LINGO2: variants seen among roughly 807,000 people sequenced by gnomAD.
LINGO2 encodes the protein leucine-rich repeat and immunoglobulin-like domain-containing nogo receptor-interacting protein 2.
Under a neutral mutation model 30.6 loss-of-function variants are expected in LINGO2, and 14 were observed. The observed-to-expected ratio is 0.46, with a 90% CI of 0.30 to 0.72. The LOEUF (loss-of-function observed/expected upper bound fraction) is 0.72. Ranked by LOEUF, LINGO2 falls within the 30% of genes least tolerant of loss-of-function variation. The probability of loss-of-function intolerance (pLI) is 0.07; values close to 1 mark genes in which losing one functional copy is unlikely to be tolerated. For missense variants in LINGO2, 729 were observed against 751.7 expected, an observed-to-expected ratio of 0.97 and a Z score of 0.35; for synonymous variants, 317 against 288.5, an observed-to-expected ratio of 1.10 and a Z score of -1.00.
chr9:28,401,514 A>T (rs879841126), intron 2 of LINGO2, among the ~76,000 whole-genome samples: 2 of 152,046 alleles, frequency 1.3e-5, no homozygotes, highest in Non-Finnish European at 2.9e-5. Context: ...TATGTACCAA[A>T]TTTTTTTATC....
chr9:28,891,819 T>C, the LINGO2 span, among the ~76,000 whole-genome samples: 83,340 of 148,680 alleles, frequency 0.56, 24,446 homozygotes, highest in Non-Finnish European at 0.67. Flanking sequence ...GTCACAGAAA[T>C]ACAAATATTT....
Position 27,986,161 on chromosome 9 carries a change from G to GA in LINGO2, c.-36+26193dup, listed in dbSNP as rs955945491. Among the ~76,000 whole-genome samples, 174 of 141,082 alleles carry GA rather than the reference G, an allele frequency of 1.2e-3. 1 individual carries two copies. Among genetic ancestry groups the GA allele is most frequent in the African/African-American group, 1.9e-3 (73 of 38,570 alleles). 92.6% of individuals were successfully genotyped at this position (141,082 alleles called of 152,430 possible). A position where few individuals can be genotyped will look rare whatever the true frequency, so the allele number is the denominator to read the frequency against. ...GCTGGCTTCTGGAGGGGGAACAGGA[G>GA]AAAAAAAAAACAGCCAGAGAAGACA... is the stretch of plus-strand genomic sequence containing the variant. On this transcript the variant is annotated intron_variant, in intron 5 of 5. Coordinates refer to ENST00000379992, the Ensembl canonical transcript of LINGO2.
chr9:28,613,382 A>ATG (rs771448247), intron 1 of LINGO2, among the ~76,000 whole-genome samples: 47 of 147,860 alleles, frequency 3.2e-4, no homozygotes, highest in East Asian at 2.1e-3. Flanking sequence ...GTATATACGT[A>ATG]TGTGTGTGTG....
chr9:28,433,943 CTCTCTCTA>C (rs1316311855), intron 2 of LINGO2, among the ~76,000 whole-genome samples: 1,547 of 50,832 alleles, frequency 0.03, 40 homozygotes, highest in African/African-American at 0.06. Context: ...CTCTCTCTCT[CTCTCTCTA>C]TATATATATA....
the LINGO2 span, among the ~76,000 whole-genome samples, chr9:28,844,116 C>A: frequency 6.6e-6 from 1 of 151,814 alleles, no homozygotes; most frequent in East Asian, 1.9e-4. Context: ...AATCTCAGCA[C>A]TTTGGGAGGC....
intron 4 of LINGO2, among the ~76,000 whole-genome samples, chr9:28,235,819 C>G (rs1821542358): frequency 6.6e-6 from 1 of 152,086 alleles, no homozygotes; most frequent in African/African-American, 2.4e-5. Context: ...ATGAAGCACA[C>G]CTACAAGATC....
the LINGO2 span, among the ~76,000 whole-genome samples, chr9:28,997,602 T>A: frequency 6.6e-6 from 1 of 152,078 alleles, no homozygotes; most frequent in African/African-American, 2.4e-5. Context: ...GGCTGGCGGA[T>A]CACGAGGTCA....
intron 4 of LINGO2, among the ~76,000 whole-genome samples, chr9:28,044,170 C>G (rs746328043): frequency 4.6e-5 from 7 of 152,080 alleles, no homozygotes; most frequent in Non-Finnish European, 2.9e-5. Flanking sequence ...AAAGAATGGC[C>G]TTTGTGAAAT....
At chr9:28,408,753 T>A (rs2026963) in intron 2 of LINGO2, among the ~76,000 whole-genome samples, 132,933 of 144,344 alleles carry the variant, frequency 0.92, 61,303 homozygotes, top group East Asian at 1. Flanking sequence ...CATGTACCCT[T>A]AAACTTAAAG....
At chr9:28,920,135 A>G in the LINGO2 span, among the ~76,000 whole-genome samples, 1 of 152,124 alleles carries the variant, frequency 6.6e-6, no homozygotes, top group African/African-American at 2.4e-5. Flanking sequence ...CAGAAGTGAA[A>G]TTACTCAAAG....
intron 1 of LINGO2, among the ~76,000 whole-genome samples, chr9:28,640,056 A>AT (rs1212755819): frequency 6.6e-6 from 1 of 151,970 alleles, no homozygotes; most frequent in African/African-American, 2.4e-5. Context: ...TCTGTAAAGG[A>AT]TTTTATTTCT....
chr9:28,628,112 T>C (rs1826768069), intron 1 of LINGO2, among the ~76,000 whole-genome samples: 1 of 151,996 alleles, frequency 6.6e-6, no homozygotes, highest in Non-Finnish European at 1.5e-5. Flanking sequence ...AAAAAGAACG[T>C]TGTCTTCAAA....
upstream of LINGO2, among the ~76,000 whole-genome samples, chr9:28,673,676 C>G (rs1829108689): frequency 1.3e-5 from 2 of 151,404 alleles, no homozygotes; most frequent in South Asian, 2.1e-4. Context: ...CGATCATCAT[C>G]ATCATCATCA....
intron 2 of LINGO2, among the ~76,000 whole-genome samples, chr9:28,374,789 C>T (rs373900089): frequency 9.2e-5 from 14 of 152,176 alleles, no homozygotes; most frequent in African/African-American, 3.4e-4. Context: ...TTGAGTCTCA[C>T]AAAAGTCATT....
chr9:28,506,278 T>A (rs1265068744), intron 1 of LINGO2, among the ~76,000 whole-genome samples: 1 of 150,990 alleles, frequency 6.6e-6, no homozygotes, highest in East Asian at 1.9e-4. Flanking sequence ...TTGTAAGATG[T>A]GAATATTATA....
At chr9:28,565,911 T>C (rs1236666014) in intron 1 of LINGO2, among the ~76,000 whole-genome samples, 1 of 152,152 alleles carries the variant, frequency 6.6e-6, no homozygotes, top group Non-Finnish European at 1.5e-5. Context: ...TAGCTTTGTC[T>C]TCTCAGACAC....
chr9:28,996,092 T>G, the LINGO2 span, among the ~76,000 whole-genome samples: 1 of 150,072 alleles, frequency 6.7e-6, no homozygotes, highest in Non-Finnish European at 1.5e-5. Context: ...TAGGCTTTTC[T>G]GTGAATGAAG....
chr9:28,043,613 A>G (rs184092647), intron 4 of LINGO2, among the ~76,000 whole-genome samples: 4 of 152,176 alleles, frequency 2.6e-5, no homozygotes, highest in South Asian at 2.1e-4. Flanking sequence ...AAAGTTTCAA[A>G]CATATACAAA....
In LINGO2 at chr9:28,148,868, G is replaced by A; in HGVS notation, c.-86-136463C>T. On this transcript the variant is annotated intron_variant, in intron 4 of 5. Transcript: ENST00000379992. The surrounding 1 kb of genome is among the most constrained non-coding windows in gnomAD (Gnocchi z 5.1). ...GCCCAGCTCTCCAGGCTTGCTGATG[G>A]TGGGGGAGGACATGCAGCCCAAGGA... is the stretch of plus-strand genomic sequence containing the variant. The A allele has an allele frequency of 6.5e-7, 1 of 1,533,818 alleles. No homozygotes were observed. Among genetic ancestry groups the A allele is most frequent in the Non-Finnish European group, 8.7e-7 (1 of 1,146,566 alleles).
Sources: allele counts gnomAD v4.1 joint callset (sites outside exome capture counted in the v4.1 genomes callset), GRCh38; gene constraint gnomAD v4.1.1; non-coding constraint Gnocchi (gnomAD v3.1); transcripts MANE v1.5; gene names NCBI Gene and HGNC (gene_info 2026-07-23, HGNC 2026-07-21).